The following SLC35F3 variants were observed in gnomAD, a reference collection of about 807,000 sequenced individuals.
SLC35F3 encodes the protein putative thiamine transporter SLC35F3.
A neutral mutation model predicts 49.9 loss-of-function variants in SLC35F3; 25 were observed. That is an observed-to-expected ratio of 0.50 (90% confidence interval 0.37 to 0.70). SLC35F3 has a LOEUF of 0.70. Among genes scored for constraint, SLC35F3 ranks in the 30% least tolerant of loss-of-function variants. The pLI is 0.00. For synonymous variants in SLC35F3, 275 were observed against 265.4 expected (o/e 1.04, Z -0.35); for missense variants, 525 against 639.8 (o/e 0.82, Z 1.94).
intron 2 of SLC35F3, among the ~76,000 whole-genome samples, chr1:233,919,756 G>A (rs1245082739): frequency 3.3e-5 from 5 of 152,092 alleles, no homozygotes; most frequent in African/African-American, 9.7e-5. Flanking sequence ...CCTTCCCCCC[G>A]GCTACCAAGA....
At chr1:234,252,425 T>A (rs1004401057) in intron 3 of SLC35F3, among the ~76,000 whole-genome samples, 8 of 151,824 alleles carry the variant, frequency 5.3e-5, no homozygotes, top group African/African-American at 1.7e-4. Flanking sequence ...AAAATAAAAA[T>A]AAAAAATAAT....
chr1:234,292,305 G>C (rs376264790), intron 3 of SLC35F3, among the ~76,000 whole-genome samples: 1 of 152,338 alleles, frequency 6.6e-6, no homozygotes, highest in East Asian at 1.9e-4. Flanking sequence ...GCAGGGTCTT[G>C]ATTCTGGGCT....
At chr1:234,059,629 TAGACATAGACATAGACATAGACATAGA>T in intron 2 of SLC35F3, among the ~76,000 whole-genome samples, 1 of 67,454 alleles carries the variant, frequency 1.5e-5, no homozygotes, top group Non-Finnish European at 3.6e-5. Flanking sequence ...GACATAGACA[TAGACATAGACATAGACATAGACATAGA>T]CATAGACATA....
At position 234,226,961 on chromosome 1, in the gene SLC35F3, G is replaced by GCGCA. The variant is rs141422884; in HGVS notation, c.284-4455_284-4454insGCAC. 6.0e-3 allele frequency among the ~76,000 whole-genome samples: 892 copies of GCGCA among 148,730 alleles called. 20 individuals are homozygous for GCGCA. In the East Asian group the frequency reaches 0.084, roughly 14 times the overall value. On this transcript the variant is annotated intron_variant, in intron 2 of 7. Transcript: ENST00000366618. ...CCTGCACTGGCGTGCGCGCACGCGT[G>GCGCA]CACACACACACACACACACACACAC...
intron 3 of SLC35F3, among the ~76,000 whole-genome samples, chr1:234,256,212 C>G (rs1267412092): frequency 6.6e-6 from 1 of 151,962 alleles, no homozygotes; most frequent in African/African-American, 2.4e-5. Context: ...ATATAGTTTA[C>G]CAATGCAATG....
intron 2 of SLC35F3, among the ~76,000 whole-genome samples, chr1:234,082,358 A>G (rs930524366): frequency 1.8e-4 from 28 of 152,216 alleles, no homozygotes; most frequent in African/African-American, 5.3e-4. Context: ...TCACAAATTC[A>G]ATTCGCTGCC....
At chr1:234,230,766 C>G (rs1667354849) in intron 2 of SLC35F3, among the ~76,000 whole-genome samples, 1 of 152,108 alleles carries the variant, frequency 6.6e-6, no homozygotes. Flanking sequence ...AGTAAAGCTT[C>G]GAAGTGGGAC....
At chr1:234,205,895 C>T (rs535014027) in intron 2 of SLC35F3, among the ~76,000 whole-genome samples, 1 of 152,066 alleles carries the variant, frequency 6.6e-6, no homozygotes, top group Non-Finnish European at 1.5e-5. Flanking sequence ...GACCAGGGGA[C>T]CTGGGGGTGC....
chr1:234,093,787 A>G (rs188292544), intron 2 of SLC35F3, among the ~76,000 whole-genome samples: 1 of 152,346 alleles, frequency 6.6e-6, no homozygotes, highest in East Asian at 1.9e-4. Flanking sequence ...AGCCTCCTAA[A>G]TATGCTGTGG....
At chr1:233,939,452 C>G (rs377232969) in intron 2 of SLC35F3, among the ~76,000 whole-genome samples, 1 of 152,218 alleles carries the variant, frequency 6.6e-6, no homozygotes, top group African/African-American at 2.4e-5. Context: ...AATATCCTGT[C>G]TCCGAAAAGA....
chr1:234,066,705 CTCTG>C (rs1490667968), intron 2 of SLC35F3, among the ~76,000 whole-genome samples: 3 of 151,924 alleles, frequency 2.0e-5, no homozygotes, highest in African/African-American at 4.8e-5. Flanking sequence ...CAACCTCTCT[CTCTG>C]TCTCTCTCTC....
intron 3 of SLC35F3, among the ~76,000 whole-genome samples, chr1:234,296,952 G>C (rs1668606774): frequency 6.6e-6 from 1 of 152,154 alleles, no homozygotes; most frequent in South Asian, 2.1e-4. Flanking sequence ...TTTGCCTACA[G>C]TGGCTGAACA....
At chr1:233,962,025 T>C (rs1397002270) in intron 2 of SLC35F3, among the ~76,000 whole-genome samples, 4 of 68,254 alleles carry the variant, frequency 5.9e-5, no homozygotes. Context: ...GGGTCATTCA[T>C]TTGTTCATTC....
At chr1:234,318,997 C>A in intron 6 of SLC35F3, 54 bp downstream of exon 6, 2 of 1,478,474 alleles carry the variant, frequency 1.4e-6, no homozygotes, top group Non-Finnish European at 9.3e-7. Flanking sequence ...CCACAGAGGA[C>A]CCTCAGGAAA....
At chr1:233,995,966 C>G (rs1404790707) in intron 2 of SLC35F3, among the ~76,000 whole-genome samples, 1 of 152,132 alleles carries the variant, frequency 6.6e-6, no homozygotes, top group African/African-American at 2.4e-5. Context: ...TTTTTCTTAT[C>G]TTTATTCTGA....
chr1:234,253,128 C>T (rs952495808), intron 3 of SLC35F3, among the ~76,000 whole-genome samples: 2 of 152,064 alleles, frequency 1.3e-5, no homozygotes, highest in Non-Finnish European at 2.9e-5. Context: ...GAGTTCGAGA[C>T]CAGCCTGGCC....
At chr1:234,095,031 G>A (rs576164399) in intron 2 of SLC35F3, among the ~76,000 whole-genome samples, 3 of 152,310 alleles carry the variant, frequency 2.0e-5, no homozygotes, top group Admixed American at 6.5e-5. Flanking sequence ...TGGCAGGGGG[G>A]TTTATCTGAT....
chr1:234,017,524 T>C (rs1663821361), intron 2 of SLC35F3, among the ~76,000 whole-genome samples: 1 of 151,658 alleles, frequency 6.6e-6, no homozygotes, highest in African/African-American at 2.4e-5. Flanking sequence ...CCATCCTGGC[T>C]AACACTGTGA....
At chr1:233,908,686 C>T (rs1023253413) in intron 2 of SLC35F3, among the ~76,000 whole-genome samples, 1 of 151,414 alleles carries the variant, frequency 6.6e-6, no homozygotes, top group African/African-American at 2.4e-5. Flanking sequence ...GGACTAGCAC[C>T]ACCATGCCTG....
Sources: allele counts gnomAD v4.1 joint callset (sites outside exome capture counted in the v4.1 genomes callset), GRCh38; gene constraint gnomAD v4.1.1; transcripts MANE v1.5; gene names NCBI Gene and HGNC (gene_info 2026-07-23, HGNC 2026-07-21).